Variants in DLGAP2 observed in about 807,000 individuals in gnomAD.
DLGAP2 encodes the protein DLG associated protein 2, also known as disks large-associated protein 2.
Under a neutral mutation model 100.3 loss-of-function variants are expected in DLGAP2, and 26 were observed. That is an observed-to-expected ratio of 0.26 (90% CI 0.19 to 0.36). The LOEUF (loss-of-function observed/expected upper bound fraction) is 0.36, where lower values mean the gene tolerates loss of function less well. Among genes scored for constraint, DLGAP2 ranks in the 10% least tolerant of loss-of-function variants. DLGAP2 has a pLI of 1.00. For missense variants in DLGAP2, 1,858 were observed against 1,453.2 expected, an observed-to-expected ratio of 1.28 and a Z score of -4.53; for synonymous variants, 886 against 630.1, an observed-to-expected ratio of 1.41 and a Z score of -6.08.
At position 1,668,609 on chromosome 8, in the gene DLGAP2, C is replaced by T. The variant is rs1314488462; in HGVS notation, c.2091C>T (p.Ser697=). The part of the protein sequence containing the change: ...PESQSSSVRT[S]DKAILVSKAE... ...GCCAGAGCAGCTCTGTGCGGACCAG[C>T]GACAAGGCCATCCTGGTGTCCAAGG... The change falls in exon 9 of 15, where the codon AGC becomes AGT. Residue 697 remains serine, a synonymous_variant. Transcript: ENST00000637795. 6.2e-6 allele frequency: 10 copies of T among 1,600,286 alleles called. No homozygotes were observed. The highest frequency in any genetic ancestry group is 2.7e-5 in the African/African-American group (2 of 74,624).
intron 3 of DLGAP2, 45 bp from the exon 4 acceptor site, chr8:1,501,321 A>C (rs1799713753): frequency 6.5e-7 from 1 of 1,532,486 alleles, no homozygotes; most frequent in Non-Finnish European, 8.7e-7. Flanking sequence ...ACTGCAGTCT[A>C]CACCAGAAAC....
At chr8:1,649,289 CAAA>C in intron 8 of DLGAP2, among the ~76,000 whole-genome samples, 1 of 35,330 alleles carries the variant, frequency 2.8e-5, no homozygotes. Flanking sequence ...TTTGCTTCTT[CAAA>C]GCTACCAGAA....
intron 6 of DLGAP2, among the ~76,000 whole-genome samples, chr8:1,618,306 C>T (rs1797222523): frequency 6.6e-6 from 1 of 152,190 alleles, no homozygotes; most frequent in Non-Finnish European, 1.5e-5. Context: ...AATTGCATTT[C>T]TGTAGACCCA....
At chr8:1,561,414 C>T (rs1187455655) in intron 5 of DLGAP2, among the ~76,000 whole-genome samples, 1 of 152,124 alleles carries the variant, frequency 6.6e-6, no homozygotes, top group Non-Finnish European at 1.5e-5. Flanking sequence ...GGCTGGAGAG[C>T]ACCACAGACA....
At chr8:1,490,355 C>G (rs1214863337) in intron 3 of DLGAP2, among the ~76,000 whole-genome samples, 1 of 152,174 alleles carries the variant, frequency 6.6e-6, no homozygotes, top group African/African-American at 2.4e-5. Flanking sequence ...GGAACAGAAG[C>G]CAATCTCAGG....
At chr8:1,586,985 C>T (rs1584958278) in intron 6 of DLGAP2, among the ~76,000 whole-genome samples, 1 of 152,164 alleles carries the variant, frequency 6.6e-6, no homozygotes, top group Non-Finnish European at 1.5e-5. Context: ...TTCTAATGGG[C>T]TGATTATACC....
At chr8:756,944 C>A (rs945060497) in intron 1 of DLGAP2, among the ~76,000 whole-genome samples, 5 of 152,160 alleles carry the variant, frequency 3.3e-5, no homozygotes, top group African/African-American at 1.2e-4. Flanking sequence ...TTCTGGCTCT[C>A]GAGTTTTCTG....
At chr8:1,333,800 G>A (rs1801211606) in intron 3 of DLGAP2, among the ~76,000 whole-genome samples, 1 of 152,218 alleles carries the variant, frequency 6.6e-6, no homozygotes, top group African/African-American at 2.4e-5. Context: ...GACACAGGGT[G>A]GTCCATCTCC....
At chr8:1,606,675 T>C (rs1456380135) in intron 6 of DLGAP2, among the ~76,000 whole-genome samples, 1 of 152,226 alleles carries the variant, frequency 6.6e-6, no homozygotes, top group Non-Finnish European at 1.5e-5. Flanking sequence ...ATAATTCTGC[T>C]ATGACCATTA....
At chr8:834,681 G>A (rs918445012) in intron 1 of DLGAP2, among the ~76,000 whole-genome samples, 1 of 152,116 alleles carries the variant, frequency 6.6e-6, no homozygotes, top group African/African-American at 2.4e-5. Context: ...TTGTTAGGGA[G>A]GAGGGGGTCA....
chr8:1,060,677 A>T (rs769138750), intron 2 of DLGAP2, among the ~76,000 whole-genome samples: 2 of 152,072 alleles, frequency 1.3e-5, no homozygotes, highest in Non-Finnish European at 2.9e-5. Flanking sequence ...ATTTTGGGGG[A>T]TGATGTTCAT....
intron 3 of DLGAP2, among the ~76,000 whole-genome samples, chr8:1,451,261 A>G (rs1230512547): frequency 6.6e-6 from 1 of 152,074 alleles, no homozygotes; most frequent in Non-Finnish European, 1.5e-5. Context: ...AACATCCTAC[A>G]TAACTACACC....
intron 3 of DLGAP2, among the ~76,000 whole-genome samples, chr8:1,391,461 G>A (rs574999640): frequency 2.6e-5 from 4 of 152,300 alleles, no homozygotes; most frequent in African/African-American, 9.6e-5. Context: ...GTGACTCAGT[G>A]CCAAGCAAAG....
intron 2 of DLGAP2, among the ~76,000 whole-genome samples, chr8:1,093,094 T>A (rs1303590277): frequency 6.6e-6 from 1 of 152,224 alleles, no homozygotes; most frequent in African/African-American, 2.4e-5. Flanking sequence ...TCCTTCCTCC[T>A]TGGGGACCGC....
chr8:884,448 T>C (rs1797882023), intron 1 of DLGAP2, among the ~76,000 whole-genome samples: 1 of 152,220 alleles, frequency 6.6e-6, no homozygotes, highest in Admixed American at 6.5e-5. Context: ...TTTTGAGAAA[T>C]GTCTGTTCAT....
chr8:1,651,171 T>C (rs1297108297), intron 8 of DLGAP2, among the ~76,000 whole-genome samples: 14 of 152,206 alleles, frequency 9.2e-5, no homozygotes, highest in Admixed American at 9.2e-4. Context: ...GACACCGTAT[T>C]TCTTCCTCCC....
intron 2 of DLGAP2, among the ~76,000 whole-genome samples, chr8:1,203,152 A>G (rs1797916431): frequency 6.6e-6 from 1 of 152,052 alleles, no homozygotes; most frequent in African/African-American, 2.4e-5. Flanking sequence ...GTTTGTTTTG[A>G]GGTCTGTTAT....
At chr8:1,640,699 T>C (rs1000015987) in intron 8 of DLGAP2, among the ~76,000 whole-genome samples, 1 of 152,042 alleles carries the variant, frequency 6.6e-6, no homozygotes, top group African/African-American at 2.4e-5. Flanking sequence ...TGAGACCCCA[T>C]TACGGGCCTG....
intron 6 of DLGAP2, among the ~76,000 whole-genome samples, chr8:1,579,731 C>T (rs1351921325): frequency 6.6e-6 from 1 of 152,172 alleles, no homozygotes; most frequent in Non-Finnish European, 1.5e-5. Flanking sequence ...AGAGAAATTC[C>T]TGAGAAGCAT....
Sources: gnomAD v4.1 joint callset for allele counts (sites outside exome capture counted in the v4.1 genomes callset) on GRCh38, gnomAD v4.1.1 for gene constraint, MANE v1.5 for transcripts, NCBI Gene and HGNC (gene_info 2026-07-23, HGNC 2026-07-21) for gene names.